SCN1A: variants seen among roughly 807,000 people sequenced by gnomAD.
SCN1A encodes sodium voltage-gated channel alpha subunit 1, also known as sodium channel protein type 1 subunit alpha.
In SCN1A, 13 loss-of-function variants were observed where a neutral mutation model predicts 193.7. The ratio of observed to expected loss-of-function variants is 0.07; its 90% CI spans 0.04 to 0.11. SCN1A has a LOEUF of 0.11. Among genes scored for constraint, SCN1A ranks in the 10% least tolerant of loss-of-function variants. The pLI is 1.00. For missense variants in SCN1A, 1,432 were observed against 2,451.1 expected, an observed-to-expected ratio of 0.58 and a Z score of 8.78; for synonymous variants, 781 against 843.6, an observed-to-expected ratio of 0.93 and a Z score of 1.29.
At chr2:166,110,944 T>A (rs1421581912) in intron 2 of SCN1A, among the ~76,000 whole-genome samples, 1 of 152,152 alleles carries the variant, frequency 6.6e-6, no homozygotes, top group Non-Finnish European at 1.5e-5. Flanking sequence ...AACATCCCTT[T>A]GCTCCTCCTT....
chr2:166,140,363 G>C (rs1692030507), intron 1 of SCN1A, among the ~76,000 whole-genome samples: 1 of 152,122 alleles, frequency 6.6e-6, no homozygotes, highest in Non-Finnish European at 1.5e-5. Flanking sequence ...TAATGGGGGA[G>C]AGACATTTCT....
intron 4 of SCN1A, among the ~76,000 whole-genome samples, chr2:166,062,030 G>A (rs918112520): frequency 1.3e-5 from 2 of 152,084 alleles, no homozygotes; most frequent in African/African-American, 2.4e-5. Context: ...GAATTGGTAA[G>A]GTTTTTACTG....
chr2:166,066,119 C>A (rs1473721026), intron 4 of SCN1A, among the ~76,000 whole-genome samples: 1 of 152,040 alleles, frequency 6.6e-6, no homozygotes, highest in Non-Finnish European at 1.5e-5. Flanking sequence ...GCAGAAGGTG[C>A]CTCCCTAGAA....
chr2:165,997,904 G>A (rs1690298767), intron 26 of SCN1A, 134 bp downstream of exon 26: 1 of 662,986 alleles, frequency 1.5e-6, no homozygotes, highest in Non-Finnish European at 2.7e-6. Context: ...GAATGACAGA[G>A]GAAGAGGAAG....
In SCN1A at chr2:165,987,568, A is replaced by T. The variant is rs577935477; in HGVS notation, c.*3677T>A. ...GATTTGTACTTTTCCTTATTTACTT[A>T]CATCAGTATGTATTTGCTGATTCTT... On this transcript the variant is annotated 3_prime_UTR_variant, in exon 29 of 29. Coordinates refer to ENST00000674923, the MANE Select transcript of SCN1A (RefSeq NM_001165963.4). The T allele has an allele frequency of 6.6e-6, 1 of 152,246 alleles. No homozygotes were observed. Among genetic ancestry groups the T allele is most frequent in the South Asian group, 2.1e-4 (1 of 4,824 alleles). The allele number at this position is 152,246 out of a possible 1,614,324, so 9.4% of individuals were successfully genotyped here. A position where few individuals can be genotyped will look rare whatever the true frequency, so the allele number is the denominator to read the frequency against.
At chr2:166,048,549 C>T (rs1698125989) in intron 10 of SCN1A, among the ~76,000 whole-genome samples, 1 of 152,096 alleles carries the variant, frequency 6.6e-6, no homozygotes, top group East Asian at 1.9e-4. Flanking sequence ...TTTTTTATGG[C>T]TGCATAGTAT....
intron 1 of SCN1A, among the ~76,000 whole-genome samples, chr2:166,127,267 A>G (rs1691357021): frequency 6.6e-6 from 1 of 152,202 alleles, no homozygotes; most frequent in Admixed American, 6.5e-5. Flanking sequence ...CCTCAGCCTC[A>G]GGAAGCTGAA....
chr2:166,122,879 T>C (rs902637774), intron 2 of SCN1A, among the ~76,000 whole-genome samples: 2 of 152,158 alleles, frequency 1.3e-5, no homozygotes, highest in Non-Finnish European at 1.5e-5. Context: ...TTAGAGTAGA[T>C]TCTTCATCAA....
intron 2 of SCN1A, among the ~76,000 whole-genome samples, chr2:166,114,233 G>A (rs1233858773): frequency 3.9e-5 from 6 of 152,172 alleles, no homozygotes; most frequent in Non-Finnish European, 7.3e-5. Flanking sequence ...GATTTTCAGA[G>A]AGTTGTTCAA....
At chr2:166,121,810 A>G (rs976654855) in intron 2 of SCN1A, among the ~76,000 whole-genome samples, 5 of 152,174 alleles carry the variant, frequency 3.3e-5, no homozygotes, top group South Asian at 4.1e-4. Context: ...CCAAATCCAT[A>G]TGTTGGAGTC....
At position 165,988,517 on chromosome 2, in the gene SCN1A, A is replaced by T. The variant is rs1688746633; in HGVS notation, c.*2728T>A. On this transcript the variant is annotated 3_prime_UTR_variant, in exon 29 of 29. Transcript: ENST00000674923. ...CCCCAGAGAAAGTAGCTTCAGTTGT[A>T]TGAGGGGCAGTCTGATTGGAGTATG... 1 of 152,342 alleles carries T rather than the reference A, an allele frequency of 6.6e-6. No individual in the cohort carries two copies. Among genetic ancestry groups the T allele is most frequent in the African/African-American group, 2.4e-5 (1 of 41,440 alleles). The allele number at this position is 152,342 out of a possible 1,614,324, so 9.4% of individuals were successfully genotyped here.
At chr2:166,015,771 G>T in intron 19 of SCN1A, 44 bp from the exon 20 acceptor site, 1 of 1,609,536 alleles carries the variant, frequency 6.2e-7, no homozygotes, top group Non-Finnish European at 8.5e-7. Flanking sequence ...TTTAATTTTG[G>T]TAATAAGTTG....
intron 20 of SCN1A, among the ~76,000 whole-genome samples, chr2:166,014,268 A>C (rs1473082005): frequency 1.3e-5 from 2 of 151,700 alleles, no homozygotes; most frequent in African/African-American, 4.8e-5. Flanking sequence ...TTAAGCAGAA[A>C]ACTTCCCTTT....
In SCN1A at chr2:166,015,591, G is replaced by A. The variant is rs1000651886; in HGVS notation, c.3550+16C>T. The stretch of plus-strand genomic sequence containing the variant: ...CACTCCAAATGAAAGATTAACATTA[G>A]GATTCTTTTCTTTACCTTCAGTGAA... On this transcript the variant is annotated intron_variant, in intron 20 of 28. Transcript: ENST00000674923. 8.1e-6 allele frequency: 13 copies of A among 1,611,882 alleles called. No individual in the cohort carries two copies. Among genetic ancestry groups the A allele is most frequent in the Non-Finnish European group, 1.0e-5 (12 of 1,178,408 alleles).
intron 19 of SCN1A, among the ~76,000 whole-genome samples, chr2:166,032,226 C>CAT (rs1210258998): frequency 3.6e-4 from 53 of 148,654 alleles, no homozygotes; most frequent in South Asian, 6.5e-4. Flanking sequence ...CACACACACA[C>CAT]ACACACACAG....
intron 9 of SCN1A, among the ~76,000 whole-genome samples, chr2:166,050,513 A>T (rs1698407464): frequency 8.1e-6 from 1 of 123,738 alleles, no homozygotes; most frequent in Non-Finnish European, 1.7e-5. Flanking sequence ...AACAGATTTC[A>T]GGGAGCTGGT....
At chr2:166,090,755 T>A (rs1686713378) in intron 2 of SCN1A, among the ~76,000 whole-genome samples, 3 of 152,210 alleles carry the variant, frequency 2.0e-5, no homozygotes, top group Admixed American at 2.0e-4. Context: ...TTTCAGCTAA[T>A]GAATAATTGT....
Position 165,991,095 on chromosome 2 carries a change from A to C in SCN1A, c.*150T>G, listed in dbSNP as rs1237408291. The C allele has an allele frequency of 1.5e-6, 1 of 670,994 alleles. No homozygotes were observed. Among genetic ancestry groups the C allele is most frequent in the Non-Finnish European group, 2.5e-6 (1 of 399,412 alleles). The allele number at this position is 670,994 out of a possible 1,614,324, so 41.6% of individuals were successfully genotyped here. A position where few individuals can be genotyped will look rare whatever the true frequency, so the allele number is the denominator to read the frequency against. ...AGTCACAGTTTGCTGACAAGGGGTC[A>C]CTGTCTTATTGTAGGCACTGACCTT... On this transcript the variant is annotated 3_prime_UTR_variant, in exon 29 of 29. Coordinates refer to ENST00000674923, the MANE Select transcript of SCN1A (RefSeq NM_001165963.4).
chr2:166,037,282 C>A (rs1430658986), intron 18 of SCN1A, among the ~76,000 whole-genome samples: 1 of 152,176 alleles, frequency 6.6e-6, no homozygotes, highest in East Asian at 1.9e-4. Flanking sequence ...GATTGAATAT[C>A]ATATGCTGCA....
Sources: allele counts gnomAD v4.1 joint callset (sites outside exome capture counted in the v4.1 genomes callset), GRCh38; gene constraint gnomAD v4.1.1; transcripts MANE v1.5; gene names NCBI Gene and HGNC (gene_info 2026-07-23, HGNC 2026-07-21).